Variants in SNX10 observed in about 807,000 individuals in gnomAD.
SNX10 encodes the protein sorting nexin-10.
SNX10 carries 25 observed loss-of-function variants against 28.5 expected under a neutral mutation model. The ratio of observed to expected loss-of-function variants is 0.88; its 90% CI spans 0.64 to 1.22. The LOEUF (loss-of-function observed/expected upper bound fraction) is 1.22, where lower values mean the gene tolerates loss of function less well. Among genes scored for constraint, SNX10 ranks in the 50% most tolerant of loss-of-function variants. The pLI, the probability that SNX10 is intolerant of heterozygous loss-of-function variation, is 0.00. For synonymous variants in SNX10, 62 were observed against 81.4 expected, an observed-to-expected ratio of 0.76 and a Z score of 1.28; for missense variants, 223 against 242.6, an observed-to-expected ratio of 0.92 and a Z score of 0.54.
chr7:26,297,879 GT>G (rs1320303798), intron 1 of SNX10, among the ~76,000 whole-genome samples: 1 of 151,960 alleles, frequency 6.6e-6, no homozygotes, highest in Non-Finnish European at 1.5e-5. Context: ...AGATATATAT[GT>G]AACACATTTT....
chr7:26,357,600 A>G (rs1788878065), intron 2 of SNX10, among the ~76,000 whole-genome samples: 1 of 152,158 alleles, frequency 6.6e-6, no homozygotes, highest in Non-Finnish European at 1.5e-5. Context: ...CATGTGGGGA[A>G]TGCACTGGAT....
At chr7:26,293,174 G>A (rs1785990544) in intron 1 of SNX10, 1 of 152,134 alleles carries the variant, frequency 6.6e-6, no homozygotes, top group Admixed American at 6.5e-5. Context: ...TACATAGCTG[G>A]ACCTTCATTA....
At chr7:26,313,100 G>C (rs1460262487) in intron 1 of SNX10, among the ~76,000 whole-genome samples, 1 of 152,242 alleles carries the variant, frequency 6.6e-6, no homozygotes, top group Non-Finnish European at 1.5e-5. Flanking sequence ...TGTCTTATCA[G>C]TGGGTGCTGG....
chr7:26,340,097 T>C (rs917043546), intron 1 of SNX10, among the ~76,000 whole-genome samples: 1 of 152,174 alleles, frequency 6.6e-6, no homozygotes, highest in African/African-American at 2.4e-5. Context: ...CTTACATGTA[T>C]AGTCCACAAA....
At chr7:26,301,768 G>A (rs1186136979) in intron 1 of SNX10, among the ~76,000 whole-genome samples, 1 of 152,172 alleles carries the variant, frequency 6.6e-6, no homozygotes, top group East Asian at 1.9e-4. Flanking sequence ...GATATTTCAT[G>A]ACTTGAACAA....
intron 1 of SNX10, among the ~76,000 whole-genome samples, chr7:26,307,746 C>T (rs1329299861): frequency 6.6e-6 from 1 of 150,926 alleles, no homozygotes; most frequent in Admixed American, 6.6e-5. Context: ...AATGAAAGTA[C>T]AGAGCTTCCC....
At chr7:26,361,192 T>G in intron 3 of SNX10, 131 bp downstream of exon 3, 1 of 900,182 alleles carries the variant, frequency 1.1e-6, no homozygotes, top group South Asian at 2.1e-5. Flanking sequence ...AACTAATGCT[T>G]TTATCTTACA....
intron 2 of SNX10, among the ~76,000 whole-genome samples, chr7:26,359,164 A>G (rs1371103231): frequency 6.6e-6 from 1 of 152,102 alleles, no homozygotes; most frequent in Non-Finnish European, 1.5e-5. Context: ...TTAAAAGAAG[A>G]CTTTTTGGAA....
chr7:26,324,696 T>A (rs1164384305), intron 1 of SNX10, among the ~76,000 whole-genome samples: 2 of 152,034 alleles, frequency 1.3e-5, no homozygotes, highest in Admixed American at 1.3e-4. Context: ...TTCAAATGAC[T>A]GAGTGGGGAA....
intron 1 of SNX10, among the ~76,000 whole-genome samples, chr7:26,323,084 T>TA (rs1584115936): frequency 6.6e-6 from 1 of 151,758 alleles, no homozygotes; most frequent in African/African-American, 2.4e-5. Context: ...ATTATCTCTA[T>TA]AAAAAAATAA....
At chr7:26,357,550 C>T (rs957288740) in intron 2 of SNX10, among the ~76,000 whole-genome samples, 26 of 152,178 alleles carry the variant, frequency 1.7e-4, no homozygotes, top group African/African-American at 5.8e-4. Flanking sequence ...AGAAGGAAAG[C>T]AACATCATCA....
intron 1 of SNX10, among the ~76,000 whole-genome samples, chr7:26,317,466 C>T (rs371885102): frequency 6.6e-6 from 1 of 152,136 alleles, no homozygotes; most frequent in African/African-American, 2.4e-5. Flanking sequence ...AGCACAAGGC[C>T]GATACATAGT....
Position 26,360,981 on chromosome 7 carries a change from G to GT in SNX10, c.32dup (p.Ser12LysfsTer8). The GT allele has an allele frequency of 6.3e-7, 1 of 1,595,228 alleles. No homozygotes were observed. Among genetic ancestry groups the GT allele is most frequent in the South Asian group, 1.1e-5 (1 of 90,742 alleles). On this transcript the variant is annotated frameshift_variant, in exon 3 of 7. Transcript: ENST00000338523. LOFTEE classifies it high-confidence loss of function. ...GTTTATGATGCCATTACAGGAATTT[G>GT]TAAGTGTCTGGGTTCGAGATCCTAG...
At chr7:26,358,231 A>G (rs548897832) in intron 2 of SNX10, among the ~76,000 whole-genome samples, 1 of 152,296 alleles carries the variant, frequency 6.6e-6, no homozygotes, top group South Asian at 2.1e-4. Flanking sequence ...GTGACAAGAG[A>G]TGGAGGTGAA....
chr7:26,349,786 T>C (rs1045356812), intron 2 of SNX10, among the ~76,000 whole-genome samples: 5 of 152,218 alleles, frequency 3.3e-5, no homozygotes, highest in African/African-American at 1.2e-4. Flanking sequence ...TTTTATTCTT[T>C]TTATATTCGA....
At chr7:26,310,188 G>A (rs1786766778) in intron 1 of SNX10, among the ~76,000 whole-genome samples, 1 of 152,210 alleles carries the variant, frequency 6.6e-6, no homozygotes, top group African/African-American at 2.4e-5. Context: ...TGGCCCGAGA[G>A]GCGGGCGACT....
intron 1 of SNX10, among the ~76,000 whole-genome samples, chr7:26,324,740 T>C (rs894459172): frequency 1.3e-5 from 2 of 152,168 alleles, no homozygotes; most frequent in Non-Finnish European, 2.9e-5. Flanking sequence ...CATACTGTGA[T>C]GACAAGAGAA....
chr7:26,356,121 G>A (rs1788808624), intron 2 of SNX10, among the ~76,000 whole-genome samples: 1 of 152,126 alleles, frequency 6.6e-6, no homozygotes, highest in Non-Finnish European at 1.5e-5. Flanking sequence ...TGGGGATGGG[G>A]GAAAAACAGG....
chr7:26,295,546 T>G (rs1205702885), intron 1 of SNX10, among the ~76,000 whole-genome samples: 1 of 152,220 alleles, frequency 6.6e-6, no homozygotes, highest in Non-Finnish European at 1.5e-5. Context: ...TAATCTGAAC[T>G]ACACAGCTAA....
Sources: allele counts gnomAD v4.1 joint callset (sites outside exome capture counted in the v4.1 genomes callset), GRCh38; gene constraint gnomAD v4.1.1; transcripts MANE v1.5; gene names NCBI Gene and HGNC (gene_info 2026-07-23, HGNC 2026-07-21).